The following SYT14 variants were observed in gnomAD, a reference collection of about 807,000 sequenced individuals.
SYT14 encodes synaptotagmin-14.
Under a neutral mutation model 74.2 loss-of-function variants are expected in SYT14, and 32 were observed. That is an observed-to-expected ratio of 0.43 (90% confidence interval 0.33 to 0.58). The LOEUF is 0.58. SYT14 is among the 20% of genes least tolerant of loss of function. The pLI is 0.05. For synonymous variants in SYT14, 298 were observed against 337.7 expected (o/e 0.88, Z 1.29); for missense variants, 791 against 981.8 (o/e 0.81, Z 2.60).
At chr1:210,026,605 T>TACACACACACACACACAC (rs368072216) in intron 5 of SYT14, among the ~76,000 whole-genome samples, 1 of 138,346 alleles carries the variant, frequency 7.2e-6, no homozygotes, top group African/African-American at 2.6e-5. Flanking sequence ...GTATATAGCT[T>TACACACACACACACACAC]ACACACACAC....
chr1:210,149,343 C>T (rs777015448), intron 7 of SYT14, among the ~76,000 whole-genome samples: 8 of 151,848 alleles, frequency 5.3e-5, no homozygotes, highest in Non-Finnish European at 1.2e-4. Context: ...TGCCACCACA[C>T]CTGGCTAATT....
At chr1:210,070,637 A>G (rs898347686) in intron 5 of SYT14, among the ~76,000 whole-genome samples, 2 of 152,106 alleles carry the variant, frequency 1.3e-5, no homozygotes, top group African/African-American at 4.8e-5. Flanking sequence ...CTGGCACAAA[A>G]TAGGTCTTAA....
chr1:210,033,245 A>G (rs2080581910), intron 5 of SYT14, among the ~76,000 whole-genome samples: 1 of 152,020 alleles, frequency 6.6e-6, no homozygotes, highest in South Asian at 2.1e-4. Flanking sequence ...AGTTAAAGAT[A>G]TAAGTATATA....
exon 7 of SYT14, chr1:210,100,156 A>G (rs1333193135): frequency 9.3e-6 from 15 of 1,614,112 alleles, no homozygotes; most frequent in Non-Finnish European, 1.1e-5. Context: ...TGTCACAGAC[A>G]TCCCAACATA....
intron 6 of SYT14, among the ~76,000 whole-genome samples, chr1:210,098,011 T>TA (rs1229939725): frequency 6.6e-6 from 1 of 152,044 alleles, no homozygotes; most frequent in East Asian, 1.9e-4. Context: ...TTGTCTCTAC[T>TA]AAAAATCAAA....
At chr1:209,974,249 C>T (rs557631232) in intron 2 of SYT14, among the ~76,000 whole-genome samples, 205 of 152,222 alleles carry the variant, frequency 1.3e-3, no homozygotes, top group African/African-American at 4.8e-3. Flanking sequence ...GCTTTTGTTA[C>T]CATTGCTTTT....
intron 5 of SYT14, among the ~76,000 whole-genome samples, chr1:210,028,976 A>G (rs1306694722): frequency 6.6e-6 from 1 of 152,188 alleles, no homozygotes; most frequent in African/African-American, 2.4e-5. Context: ...TCTAATAGGT[A>G]TGAGGTGATA....
At chr1:210,141,062 AAAG>A (rs2082905026) in intron 7 of SYT14, among the ~76,000 whole-genome samples, 3 of 151,706 alleles carry the variant, frequency 2.0e-5, no homozygotes, top group South Asian at 4.1e-4. Flanking sequence ...AAAAAAAAAA[AAAG>A]AAGGCCATAG....
intron 7 of SYT14, among the ~76,000 whole-genome samples, chr1:210,129,644 A>G (rs1450195723): frequency 1.3e-5 from 2 of 152,228 alleles, no homozygotes; most frequent in East Asian, 1.9e-4. Context: ...TGGACATAAT[A>G]TACATGAAAT....
intron 5 of SYT14, among the ~76,000 whole-genome samples, chr1:210,036,112 A>T (rs1388882667): frequency 6.6e-6 from 1 of 151,786 alleles, no homozygotes; most frequent in Non-Finnish European, 1.5e-5. Flanking sequence ...CCTTGTAGAG[A>T]TCTTTCACCT....
chr1:210,134,565 C>G (rs2082742393), intron 7 of SYT14, among the ~76,000 whole-genome samples: 1 of 152,142 alleles, frequency 6.6e-6, no homozygotes, highest in East Asian at 1.9e-4. Context: ...TTGTAAAACA[C>G]TTCAACTGTT....
Position 209,958,134 on chromosome 1 carries a change from G to A in SYT14, c.-486+5378G>A, listed in dbSNP as rs113925340. 8.2e-3 allele frequency among the ~76,000 whole-genome samples: 1,243 copies of A among 152,142 alleles called. 21 individuals are homozygous for A. Among genetic ancestry groups the A allele is most frequent in the African/African-American group, 0.029 (1,187 of 41,490 alleles). ...CTAATTTCATTTTTTTAATGGTTAA[G>A]TAGTAGTTCCAGCACAATTTACTAA... On this transcript the variant is annotated intron_variant, in intron 2 of 9. Transcript: ENST00000637265.
At chr1:210,138,034 T>TGC (rs1208865111) in intron 7 of SYT14, among the ~76,000 whole-genome samples, 1 of 152,198 alleles carries the variant, frequency 6.6e-6, no homozygotes, top group Non-Finnish European at 1.5e-5. Context: ...CATAAACACA[T>TGC]GCTGTGTACT....
intron 7 of SYT14, among the ~76,000 whole-genome samples, chr1:210,152,139 T>C (rs529042954): frequency 6.6e-6 from 1 of 152,308 alleles, no homozygotes; most frequent in East Asian, 1.9e-4. Context: ...AATTGTTTTC[T>C]CCAACTGTCA....
exon 3 of SYT14, chr1:210,013,677 A>G (rs1396263606): frequency 1.9e-6 from 3 of 1,612,768 alleles, no homozygotes; most frequent in Non-Finnish European, 2.5e-6. Flanking sequence ...TGGGGTGTTT[A>G]TTATCTTGAT....
At chr1:210,005,324 G>A (rs748248576) in intron 2 of SYT14, among the ~76,000 whole-genome samples, 30 of 151,916 alleles carry the variant, frequency 2.0e-4, no homozygotes, top group Non-Finnish European at 1.0e-4. Context: ...GTATTTATCA[G>A]AATTTTGATG....
At chr1:210,075,179 A>G (rs993936286) in intron 5 of SYT14, among the ~76,000 whole-genome samples, 5 of 151,952 alleles carry the variant, frequency 3.3e-5, no homozygotes, top group African/African-American at 7.3e-5. Flanking sequence ...CAGCCAGTCG[A>G]TGGCCTGTGG....
At chr1:210,151,621 T>C (rs541372531) in intron 7 of SYT14, among the ~76,000 whole-genome samples, 2 of 151,912 alleles carry the variant, frequency 1.3e-5, no homozygotes, top group South Asian at 4.2e-4. Flanking sequence ...AACATTGAAT[T>C]GACAGTTACA....
At chr1:210,053,706 A>G (rs2081044773) in intron 5 of SYT14, among the ~76,000 whole-genome samples, 1 of 152,186 alleles carries the variant, frequency 6.6e-6, no homozygotes, top group African/African-American at 2.4e-5. Context: ...TTACATGTTC[A>G]ACTTCTGGTA....
Sources: gnomAD v4.1 joint callset for allele counts (sites outside exome capture counted in the v4.1 genomes callset) on GRCh38, gnomAD v4.1.1 for gene constraint, MANE v1.5 for transcripts, NCBI Gene and HGNC (gene_info 2026-07-23, HGNC 2026-07-21) for gene names.